The following AHR variants were observed in gnomAD, a reference collection of about 807,000 sequenced individuals.
AHR encodes the protein aryl hydrocarbon receptor.
AHR carries 40 observed loss-of-function variants against 86.8 expected under a neutral mutation model. The observed-to-expected ratio is 0.46, with a 90% CI of 0.36 to 0.60. The LOEUF (loss-of-function observed/expected upper bound fraction) is 0.60, where lower values mean the gene tolerates loss of function less well. AHR is among the 20% of genes least tolerant of loss of function. The probability of loss-of-function intolerance (pLI) is 0.00; values close to 1 mark genes in which losing one functional copy is unlikely to be tolerated. For missense variants in AHR, 1,001 were observed against 1,011.6 expected (o/e 0.99, Z 0.14); for synonymous variants, 398 against 354.9 (o/e 1.12, Z -1.37).
At chr7:17,340,781 A>G (rs1219146797) in intron 10 of AHR, among the ~76,000 whole-genome samples, 1 of 152,146 alleles carries the variant, frequency 6.6e-6, no homozygotes, top group Non-Finnish European at 1.5e-5. Context: ...TTCTCTAGCT[A>G]TTCCTCCACA....
At chr7:17,299,810 G>A (rs1385347952) in intron 1 of AHR, among the ~76,000 whole-genome samples, 1 of 152,218 alleles carries the variant, frequency 6.6e-6, no homozygotes, top group African/African-American at 2.4e-5. Flanking sequence ...AAGGGGCTGA[G>A]TGCCTCTAAA....
At position 17,345,393 on chromosome 7, in the gene AHR, A is replaced by G. The variant is rs879075142; in HGVS notation, c.*2329A>G. The G allele has an allele frequency of 2.0e-5, 3 of 152,554 alleles. No homozygotes were observed. The South Asian group carries it at 6.2e-4, about 32-fold the overall frequency. 9.5% of individuals were successfully genotyped at this position (152,554 alleles called of 1,614,324 possible). ...ATATAAAAATGGCTTCGGACAAAAT[A>G]TCTCTGAGTTCTGTGTATTTTCAGT... is the stretch of plus-strand genomic sequence containing the variant. On this transcript the variant is annotated 3_prime_UTR_variant, in exon 11 of 11. Transcript: ENST00000242057.
Position 17,342,961 on chromosome 7 carries a change from TA to T in AHR, c.2447del (p.Asn816IlefsTer3), listed in dbSNP as rs1782442025. ...TTAAATGAAACATATCCAGCTGAAT[TA>T]AATAACATAAATAACACTCAGACTA... ...GVLNETYPAE[L>X]NNINNTQTTT... On this transcript the variant is annotated frameshift_variant, in exon 11 of 11. Coordinates refer to ENST00000242057, the MANE Select transcript of AHR (RefSeq NM_001621.5). LOFTEE classifies it high-confidence loss of function. The T allele has an allele frequency of 6.2e-7, 1 of 1,613,012 alleles. No individual in the cohort carries two copies. Among genetic ancestry groups the T allele is most frequent in the African/African-American group, 1.3e-5 (1 of 74,896 alleles).
At chr7:17,318,201 T>C (rs1336183561) in intron 2 of AHR, among the ~76,000 whole-genome samples, 1 of 152,166 alleles carries the variant, frequency 6.6e-6, no homozygotes, top group Non-Finnish European at 1.5e-5. Flanking sequence ...TTTACCACTA[T>C]TCGGTATTCC....
Position 17,339,359 on chromosome 7 carries a change from G to A in AHR, c.1534G>A (p.Glu512Lys). The change falls in exon 10 of 11, where the codon GAG becomes AAG. Residue 512 changes from glutamate to lysine, a missense_variant. Physicochemically the swap from Glu to Lys is moderately conservative, Grantham distance 56. Around this residue, in one of 2 missense-constraint regions of AHR, gnomAD observed 607 missense variants for 543.1 expected, o/e 1.12. Coordinates refer to ENST00000242057, the MANE Select transcript of AHR (RefSeq NM_001621.5). ...GGGAAATGATACTATCCTGAAACAT[G>A]AGCAAATTGACCAGCCTCAGGATGT... ...PMGNDTILKH[E>K]QIDQPQDVNS... The A allele has an allele frequency of 1.2e-6, 2 of 1,614,168 alleles. No individual in the cohort carries two copies. Among genetic ancestry groups the A allele is most frequent in the Non-Finnish European group, 1.7e-6 (2 of 1,180,026 alleles).
intron 3 of AHR, among the ~76,000 whole-genome samples, chr7:17,323,061 C>G (rs1562478386): frequency 6.6e-6 from 1 of 152,036 alleles, no homozygotes; most frequent in Non-Finnish European, 1.5e-5. Context: ...TGAAAATCAC[C>G]TAACCACATA....
At chr7:17,330,474 T>C (rs1484588363) in intron 5 of AHR, among the ~76,000 whole-genome samples, 1 of 151,964 alleles carries the variant, frequency 6.6e-6, no homozygotes, top group Non-Finnish European at 1.5e-5. Flanking sequence ...AAAATGTTTT[T>C]GGAAATTTGT....
At position 17,339,903 on chromosome 7, in the gene AHR, C is replaced by T. The variant is rs1782400368; in HGVS notation, c.2078C>T (p.Ser693Phe). The T allele has an allele frequency of 6.2e-7, 1 of 1,614,084 alleles. No individual in the cohort carries two copies. The highest frequency in any genetic ancestry group is 1.7e-5 in the Admixed American group (1 of 60,008). The change falls in exon 10 of 11, where the codon TCT (serine) becomes TTT (phenylalanine). Residue 693 changes from serine (S) to phenylalanine (F), a missense_variant. Physicochemically the swap from Ser to Phe is radical, Grantham distance 155. Transcript: ENST00000242057. ...TTCCCCTACAAATCTGAAATGGATT[C>T]TATGCCTTATACACAGAACTTTATT... The part of the protein sequence containing the change: ...QEFPYKSEMD[S>F]MPYTQNFISC...
rs78985907 is a variant in AHR at position 17,320,013 on chromosome 7, C to T, written c.254-2488C>T. Among the ~76,000 whole-genome samples the T allele has an allele frequency of 3.1e-3, 472 of 152,172 alleles. 3 individuals are homozygous for T. Among genetic ancestry groups the T allele is most frequent in the African/African-American group, 0.011 (446 of 41,550 alleles). On this transcript the variant is annotated intron_variant, in intron 2 of 10. Transcript: ENST00000242057. Reference sequence around the variant, plus strand: ...CATATTTGTTTTTGGTAGAAACCTCCAGTGATCATTCCGCCAAATGAACTT... The same window carrying T: ...CATATTTGTTTTTGGTAGAAACCTCTAGTGATCATTCCGCCAAATGAACTT...
intron 9 of AHR, among the ~76,000 whole-genome samples, chr7:17,337,655 T>G (rs1782368955): frequency 6.6e-6 from 1 of 151,462 alleles, no homozygotes; most frequent in Non-Finnish European, 1.5e-5. Context: ...TTTTGTATTT[T>G]TAGTAGAGAT....
chr7:17,338,837 C>A (rs746115138), intron 9 of AHR, 149 bp from the exon 10 acceptor site: 29 of 732,870 alleles, frequency 4.0e-5, no homozygotes, highest in Non-Finnish European at 5.5e-5. Flanking sequence ...TAGCACCAGT[C>A]ATGAGAATAA....
rs1254412818 is a variant in AHR, at chr7:17,339,031, G to A, written c.1206G>A (p.Leu402=). 2 of 1,614,054 alleles carry A rather than the reference G, an allele frequency of 1.2e-6. No homozygotes were observed. The highest frequency in any genetic ancestry group is 2.2e-5 in the East Asian group (1 of 44,876). Residue 402 remains leucine, a synonymous_variant, in exon 10 of 11, where the codon TTG becomes TTA. Transcript: ENST00000242057. The part of the protein sequence containing the change: ...TEHLRKRNTK[L]PFMFTTGEAV... ...ATTTACGAAAACGAAATACGAAGTT[G>A]CCTTTTATGTTTACCACTGGAGAAG...
At chr7:17,305,994 A>G (rs530086797) in intron 1 of AHR, among the ~76,000 whole-genome samples, 9 of 152,214 alleles carry the variant, frequency 5.9e-5, no homozygotes, top group Non-Finnish European at 8.8e-5. Flanking sequence ...TTTCATAACA[A>G]TTTTACAGAT....
intron 5 of AHR, 123 bp downstream of exon 5, chr7:17,330,198 C>G: frequency 1.0e-6 from 1 of 971,560 alleles, no homozygotes; most frequent in Non-Finnish European, 1.5e-6. Flanking sequence ...GATGTAAAGT[C>G]TGCAATCATA....
chr7:17,302,720 G>A (rs1185311571), intron 1 of AHR, among the ~76,000 whole-genome samples: 1 of 151,564 alleles, frequency 6.6e-6, no homozygotes, highest in East Asian at 1.9e-4. Flanking sequence ...TTTCTTCACT[G>A]TTACAGATCT....
At chr7:17,340,760 G>C (rs189785515) in intron 10 of AHR, among the ~76,000 whole-genome samples, 1 of 152,046 alleles carries the variant, frequency 6.6e-6, no homozygotes, top group African/African-American at 2.4e-5. Flanking sequence ...TCAGTCCTAG[G>C]CACCTCCATG....
chr7:17,305,448 A>G (rs1181476333), intron 1 of AHR, among the ~76,000 whole-genome samples: 1 of 152,128 alleles, frequency 6.6e-6, no homozygotes, highest in African/African-American at 2.4e-5. Context: ...ATTGAGGAAT[A>G]CTTCAGATTT....
intron 1 of AHR, among the ~76,000 whole-genome samples, chr7:17,302,085 AATTTTGTATAT>A (rs1302278590): frequency 1.3e-5 from 2 of 151,956 alleles, no homozygotes; most frequent in Non-Finnish European, 2.9e-5. Context: ...CCCTAGTGAT[AATTTTGTATAT>A]ATTTTTGTAT....
At position 17,299,188 on chromosome 7, in the gene AHR, T is replaced by A; in HGVS notation, c.-77T>A. 6.7e-7 allele frequency: 1 copy of A among 1,484,750 alleles called. No individual in the cohort carries two copies. Among genetic ancestry groups the A allele is most frequent in the Non-Finnish European group, 8.9e-7 (1 of 1,117,670 alleles). 92.0% of individuals were successfully genotyped at this position (1,484,750 alleles called of 1,614,324 possible). On this transcript the variant is annotated 5_prime_UTR_variant, in exon 1 of 11. Coordinates refer to ENST00000242057, the MANE Select transcript of AHR (RefSeq NM_001621.5). ...CGGAACCCGGCGCCGGCCGCCGCAG[T>A]GGTCCCAGCCTACACCGGGTTCCGG...
Sources: gnomAD v4.1 joint callset for allele counts (sites outside exome capture counted in the v4.1 genomes callset) on GRCh38, gnomAD v4.1.1 for gene constraint, gnomAD v4.1.1 regional missense constraint, MANE v1.5 for transcripts, NCBI Gene and HGNC (gene_info 2026-07-23, HGNC 2026-07-21) for gene names.